Variants in ARHGEF12 observed in about 807,000 individuals in gnomAD.
The protein encoded by ARHGEF12 is KMT2A/ARHGEF12 fusion protein.
In ARHGEF12, 66 loss-of-function variants were observed where a neutral mutation model predicts 211.2. That is an observed-to-expected ratio of 0.31 (90% CI 0.26 to 0.38). The LOEUF (loss-of-function observed/expected upper bound fraction) is 0.38, where lower values mean the gene tolerates loss of function less well. ARHGEF12 is among the 10% of genes least tolerant of loss of function. ARHGEF12 has a pLI of 1.00. For missense variants in ARHGEF12, 1,429 were observed against 1,869.5 expected (o/e 0.76, Z 4.34); for synonymous variants, 592 against 638.4 (o/e 0.93, Z 1.09).
intron 1 of ARHGEF12, among the ~76,000 whole-genome samples, chr11:120,348,528 T>A (rs1049932958): frequency 6.6e-6 from 1 of 152,176 alleles, no homozygotes; most frequent in Admixed American, 6.5e-5. Context: ...CAAAATTATT[T>A]ACAGTAGTGT....
chr11:120,467,064 T>C (rs911128112), intron 28 of ARHGEF12, 130 bp from the exon 29 acceptor site: 1 of 598,024 alleles, frequency 1.7e-6, no homozygotes, highest in African/African-American at 1.9e-5. Context: ...CAATGATATA[T>C]CTTGGCATTT....
At position 120,488,916 on chromosome 11, in the gene ARHGEF12, G is replaced by A; in HGVS notation, c.*3839G>A. On this transcript the variant is annotated 3_prime_UTR_variant, in exon 41 of 41. Transcript: ENST00000397843. ...TGTAAAATAGCTCTTTTATGAATTA[G>A]CTGATAAGGCTGTATGTTTCTGGAA... 4.6e-6 allele frequency: 1 copy of A among 216,684 alleles called. No homozygotes were observed. Among genetic ancestry groups the A allele is most frequent in the South Asian group, 1.9e-4 (1 of 5,356 alleles). The allele number at this position is 216,684 out of a possible 1,614,324, so 13.4% of individuals were successfully genotyped here.
chr11:120,448,652 A>T (rs936030963), intron 20 of ARHGEF12: 1 of 361,392 alleles, frequency 2.8e-6, no homozygotes, highest in African/African-American at 2.1e-5. Flanking sequence ...CTGTGTTGCT[A>T]CATAATCGTC....
At position 120,467,321 on chromosome 11, in the gene ARHGEF12, C is replaced by T. The variant is rs1231394992; in HGVS notation, c.2854+13C>T. ...GCCAAATACACAGGTACAGCATTTTCACTGAAATAAAAAGCTTAAGAACAA... is the reference window on the plus strand; with the variant it reads ...GCCAAATACACAGGTACAGCATTTTTACTGAAATAAAAAGCTTAAGAACAA... On this transcript the variant is annotated intron_variant, in intron 29 of 40. Transcript: ENST00000397843. 1 of 1,518,062 alleles carries T rather than the reference C, an allele frequency of 6.6e-7. No individual in the cohort carries two copies. Among genetic ancestry groups the T allele is most frequent in the African/African-American group, 1.4e-5 (1 of 72,518 alleles). The allele number at this position is 1,518,062 out of a possible 1,614,324, so 94.0% of individuals were successfully genotyped here.
At position 120,444,421 on chromosome 11, in the gene ARHGEF12, C is replaced by A. The variant is rs937262271; in HGVS notation, c.1303-1001C>A. Among the ~76,000 whole-genome samples, 2 of 152,154 alleles carry A rather than the reference C, an allele frequency of 1.3e-5. 1 individual carries two copies. Among genetic ancestry groups the A allele is most frequent in the South Asian group, 4.1e-4 (2 of 4,828 alleles). On this transcript the variant is annotated intron_variant, in intron 15 of 40. Transcript: ENST00000397843. ...ACAGCTCACATTTATTTCATATATA[C>A]ACCATCATACAGAAATGAGCTTTTA...
rs886953587 is a variant in ARHGEF12 at position 120,451,791 on chromosome 11, A to G, written c.2056+67A>G. The G allele has an allele frequency of 5.6e-6, 8 of 1,418,230 alleles. No homozygotes were observed. The East Asian group carries it at 9.6e-5, about 17-fold the overall frequency. 87.9% of individuals were successfully genotyped at this position (1,418,230 alleles called of 1,614,324 possible). On this transcript the variant is annotated intron_variant, in intron 22 of 40. Coordinates refer to ENST00000397843, the MANE Select transcript of ARHGEF12 (RefSeq NM_015313.3). ...TTTAAAACAAACACACTAACTGAAA[A>G]ATAGAGTGGCAAGTTAATCAAGACT...
intron 11 of ARHGEF12, 67 bp from the exon 12 acceptor site, chr11:120,437,236 TCACAC>T: frequency 9.6e-7 from 1 of 1,037,568 alleles, no homozygotes; most frequent in Non-Finnish European, 1.4e-6. Context: ...AATTTTTTTT[TCACAC>T]TTTTTTCCCT....
Position 120,476,768 on chromosome 11 carries a change from A to C in ARHGEF12, c.3365+20A>C, listed in dbSNP as rs764788582. On this transcript the variant is annotated intron_variant, in intron 34 of 40. Transcript: ENST00000397843. ...GACTGTGTATGTATCAGATATGGCT[A>C]CCTTGCTATAGCTAATATTTTCATT... is the stretch of plus-strand genomic sequence containing the variant. 1.3e-6 allele frequency: 2 copies of C among 1,544,770 alleles called. No homozygotes were observed. The highest frequency in any genetic ancestry group is 2.3e-5 in the South Asian group (2 of 86,548).
intron 9 of ARHGEF12, 33 bp from the exon 10 acceptor site, chr11:120,429,679 A>G: frequency 2.5e-6 from 4 of 1,593,734 alleles, no homozygotes; most frequent in Non-Finnish European, 3.4e-6. Context: ...TACATAAGTA[A>G]TTAATTCTGA....
chr11:120,413,497 C>T (rs1479299074), intron 4 of ARHGEF12, among the ~76,000 whole-genome samples: 2 of 152,250 alleles, frequency 1.3e-5, no homozygotes, highest in Non-Finnish European at 2.9e-5. Flanking sequence ...GGAATAAGAT[C>T]TTCACTCATC....
chr11:120,354,337 A>C (rs1371234866), intron 1 of ARHGEF12, among the ~76,000 whole-genome samples: 1 of 152,104 alleles, frequency 6.6e-6, no homozygotes, highest in East Asian at 1.9e-4. Flanking sequence ...AACTCTCCCC[A>C]CCATGATGTT....
At chr11:120,340,865 C>A (rs1209918518) in intron 1 of ARHGEF12, among the ~76,000 whole-genome samples, 1 of 152,160 alleles carries the variant, frequency 6.6e-6, no homozygotes, top group Admixed American at 6.5e-5. Flanking sequence ...AGTCAACATG[C>A]AGAATCTAAA....
chr11:120,385,370 GA>G (rs1664719726), intron 1 of ARHGEF12: 1 of 985,346 alleles, frequency 1.0e-6, no homozygotes, highest in Non-Finnish European at 1.2e-6. Flanking sequence ...TATATATAAA[GA>G]AAAAGCTTAG....
intron 11 of ARHGEF12, among the ~76,000 whole-genome samples, chr11:120,436,608 T>C (rs1286298439): frequency 2.6e-5 from 4 of 152,186 alleles, no homozygotes; most frequent in Non-Finnish European, 4.4e-5. Context: ...GGGATAGAAA[T>C]GCATCTGTAC....
At chr11:120,373,265 C>T (rs919644479) in intron 1 of ARHGEF12, among the ~76,000 whole-genome samples, 2 of 152,212 alleles carry the variant, frequency 1.3e-5, no homozygotes, top group Non-Finnish European at 2.9e-5. Context: ...CCATTAACTT[C>T]CTTTACACAA....
At position 120,404,889 on chromosome 11, in the gene ARHGEF12, C is replaced by T. The variant is rs950474620; in HGVS notation, c.33-1229C>T. Among the ~76,000 whole-genome samples, 12 of 152,298 alleles carry T rather than the reference C, an allele frequency of 7.9e-5. No homozygotes were observed. In the Middle Eastern group the frequency reaches 0.014, roughly 173 times the overall value. On this transcript the variant is annotated intron_variant, in intron 1 of 40. Transcript: ENST00000397843. ...CAGTTATGGACAGACTGCTTAGGAACTCCTATTTCTGAAGATTTCGTGGTC... is the reference window on the plus strand; with the variant it reads ...CAGTTATGGACAGACTGCTTAGGAATTCCTATTTCTGAAGATTTCGTGGTC...
At chr11:120,477,548 A>T in intron 36 of ARHGEF12, 22 bp downstream of exon 36, 2 of 1,596,830 alleles carry the variant, frequency 1.3e-6, no homozygotes, top group Admixed American at 1.7e-5. Flanking sequence ...TGAAGAGTTC[A>T]ATGGAGAATG....
chr11:120,442,026 C>A, intron 14 of ARHGEF12, 78 bp from the exon 15 acceptor site: 1 of 1,054,812 alleles, frequency 9.5e-7, no homozygotes, highest in South Asian at 1.5e-5. Flanking sequence ...TCCAGACATT[C>A]CTACTCAATG....
intron 1 of ARHGEF12, among the ~76,000 whole-genome samples, chr11:120,381,990 T>G (rs1218972669): frequency 6.6e-6 from 1 of 152,236 alleles, no homozygotes; most frequent in Non-Finnish European, 1.5e-5. Context: ...GTATTTAAGA[T>G]TCATCCATGT....
Sources: gnomAD v4.1 joint callset for allele counts (sites outside exome capture counted in the v4.1 genomes callset) on GRCh38, gnomAD v4.1.1 for gene constraint, MANE v1.5 for transcripts, NCBI Gene and HGNC (gene_info 2026-07-23, HGNC 2026-07-21) for gene names.